Variants in MAPK1IP1L observed in about 807,000 individuals in gnomAD.
The protein encoded by MAPK1IP1L is mitogen-activated protein kinase 1 interacting protein 1 like.
A neutral mutation model predicts 18.1 loss-of-function variants in MAPK1IP1L; 10 were observed. That is an observed-to-expected ratio of 0.55 (90% CI 0.34 to 0.94). The LOEUF is 0.94. MAPK1IP1L is among the 40% of genes least tolerant of loss of function. MAPK1IP1L has a pLI of 0.02. For synonymous variants in MAPK1IP1L, 115 were observed against 117.3 expected (o/e 0.98, Z 0.13); for missense variants, 260 against 318.2 (o/e 0.82, Z 1.39).
rs1472254590 is a variant in MAPK1IP1L, at chr14:55,070,053, G to C, written c.*5426G>C. 2 of 152,152 alleles carry C rather than the reference G, an allele frequency of 1.3e-5. No individual in the cohort carries two copies. Among genetic ancestry groups the C allele is most frequent in the Non-Finnish European group, 2.9e-5 (2 of 68,026 alleles). 9.4% of individuals were successfully genotyped at this position (152,152 alleles called of 1,614,324 possible). On this transcript the variant is annotated 3_prime_UTR_variant, in exon 4 of 4. Coordinates refer to ENST00000395468, the MANE Select transcript of MAPK1IP1L (RefSeq NM_144578.4). ...AGTGCTACTTTTGGAAGGAATTTCT[G>C]CTTTTTGCCTTATGATTGGACAAAA...
Position 55,063,081 on chromosome 14 carries a change from AT to A in MAPK1IP1L, c.483del (p.Pro162LeufsTer120). 1 of 1,613,402 alleles carries A rather than the reference AT, an allele frequency of 6.2e-7. No homozygotes were observed. Among genetic ancestry groups the A allele is most frequent in the Non-Finnish European group, 8.5e-7 (1 of 1,180,004 alleles). On this transcript the variant is annotated frameshift_variant, in exon 3 of 4. Transcript: ENST00000395468. LOFTEE classifies it high-confidence loss of function. ...GPWAPGMGGQ[Y>X]PTPNMPYPSP... ...TGGGCGCCAGGAATGGGAGGGCAGT[AT>A]CCTACCCCTAATATGCCATATCCAT...
chr14:55,055,931 A>G (rs1335339591), intron 1 of MAPK1IP1L, among the ~76,000 whole-genome samples: 3 of 152,220 alleles, frequency 2.0e-5, no homozygotes, highest in Admixed American at 2.0e-4. Flanking sequence ...CTCCATCTCA[A>G]AAACAAAACA....
At position 55,066,611 on chromosome 14, in the gene MAPK1IP1L, A is replaced by G. The variant is rs911585054; in HGVS notation, c.*1984A>G. 2 of 152,224 alleles carry G rather than the reference A, an allele frequency of 1.3e-5. No individual in the cohort carries two copies. The highest frequency in any genetic ancestry group is 4.8e-5 in the African/African-American group (2 of 41,466). The allele number at this position is 152,224 out of a possible 1,614,324, so 9.4% of individuals were successfully genotyped here. A position where few individuals can be genotyped will look rare whatever the true frequency, so the allele number is the denominator to read the frequency against. Reference sequence around the variant, plus strand: ...CTTACAGTTATTTTGGCTGTCCTACATTGGGATAAGCTGACAAATTAGCAG... The same window carrying G: ...CTTACAGTTATTTTGGCTGTCCTACGTTGGGATAAGCTGACAAATTAGCAG... On this transcript the variant is annotated 3_prime_UTR_variant, in exon 4 of 4. Transcript: ENST00000395468.
In MAPK1IP1L at chr14:55,068,563, A is replaced by G. The variant is rs1239403725; in HGVS notation, c.*3936A>G. ...AATAAAACTTAAGCACAGACATTCA[A>G]GTTTTTGAAAAGCATAAGCCTAAAT... On this transcript the variant is annotated 3_prime_UTR_variant, in exon 4 of 4. Transcript: ENST00000395468. 1 of 152,340 alleles carries G rather than the reference A, an allele frequency of 6.6e-6. No homozygotes were observed. The highest frequency in any genetic ancestry group is 1.5e-5 in the Non-Finnish European group (1 of 68,032). 9.4% of individuals were successfully genotyped at this position (152,340 alleles called of 1,614,324 possible). A position where few individuals can be genotyped will look rare whatever the true frequency, so the allele number is the denominator to read the frequency against.
At chr14:55,057,266 A>AT (rs1360722240) in intron 1 of MAPK1IP1L, among the ~76,000 whole-genome samples, 2 of 152,184 alleles carry the variant, frequency 1.3e-5, no homozygotes, top group African/African-American at 4.8e-5. Flanking sequence ...AAGGAAAGTT[A>AT]TTTTTTGCAA....
At chr14:55,057,533 C>T (rs1237479920) in intron 1 of MAPK1IP1L, among the ~76,000 whole-genome samples, 4 of 151,968 alleles carry the variant, frequency 2.6e-5, no homozygotes, top group Non-Finnish European at 4.4e-5. Flanking sequence ...CCAAGGTGGG[C>T]GGATCACAAG....
At chr14:55,064,528 G>C in intron 3 of MAPK1IP1L, 88 bp from the exon 4 acceptor site, 1 of 1,107,536 alleles carries the variant, frequency 9.0e-7, no homozygotes, top group Non-Finnish European at 1.4e-6. Context: ...GATTTATTAA[G>C]CAATAAATTT....
rs759277405 is a variant in MAPK1IP1L, at chr14:55,063,184, A to G, written c.585A>G (p.Pro195=). The G allele has an allele frequency of 1.4e-5, 22 of 1,613,898 alleles. No individual in the cohort carries two copies. Among genetic ancestry groups the G allele is most frequent in the Middle Eastern group, 3.3e-4 (2 of 6,048 alleles). ...CACCTGTTCCATGGGGCACCGTTCC[A>G]CCAGGAGCCTGGGGACCACCAGCAC... ...AAPPVPWGTV[P]PGAWGPPAPY... The change falls in exon 3 of 4, where the codon CCA becomes CCG. Residue 195 remains proline, a synonymous_variant. Transcript: ENST00000395468.
At chr14:55,059,465 C>G (rs1440705730) in intron 1 of MAPK1IP1L, among the ~76,000 whole-genome samples, 1 of 152,036 alleles carries the variant, frequency 6.6e-6, no homozygotes, top group East Asian at 1.9e-4. Flanking sequence ...AACTCCATCT[C>G]TACAAAAAAA....
intron 1 of MAPK1IP1L, among the ~76,000 whole-genome samples, chr14:55,055,609 C>T (rs74336460): frequency 0.042 from 6,421 of 152,222 alleles, 144 homozygotes; most frequent in Middle Eastern, 0.075. Context: ...TTTCATTTTG[C>T]TACTCAGAAC....
Position 55,067,246 on chromosome 14 carries a change from G to T in MAPK1IP1L, c.*2619G>T, listed in dbSNP as rs1474077073. 1 of 148,288 alleles carries T rather than the reference G, an allele frequency of 6.7e-6. No homozygotes were observed. The highest frequency in any genetic ancestry group is 6.7e-5 in the Admixed American group (1 of 14,956). The allele number at this position is 148,288 out of a possible 1,614,324, so 9.2% of individuals were successfully genotyped here. On this transcript the variant is annotated 3_prime_UTR_variant, in exon 4 of 4. Transcript: ENST00000395468. ...TTAATGTAAGAATGGAGATAAAAGG[G>T]ATAATATAATTTGCTTTTATATTGT...
At chr14:55,051,865 G>T in intron 1 of MAPK1IP1L, 62 bp downstream of exon 1, 1 of 427,522 alleles carries the variant, frequency 2.3e-6, no homozygotes, top group Non-Finnish European at 4.7e-6. Context: ...GGGTTGCGGA[G>T]CCCGCGGGCG....
In MAPK1IP1L at chr14:55,061,667, TTTC is replaced by T. The variant is rs1169723312; in HGVS notation, c.-4-10_-4-8del. ...AATTTTTCTTTCTTCCTTCATTTCTTTTCTTTTTTTAGGAAAATGTCTGATGAA... is the reference window on the plus strand; with the variant it reads ...AATTTTTCTTTCTTCCTTCATTTCTTTTTTTTTAGGAAAATGTCTGATGAA... On this transcript the variant is annotated splice_polypyrimidine_tract_variant and intron_variant, in intron 1 of 3. Coordinates refer to ENST00000395468, the MANE Select transcript of MAPK1IP1L (RefSeq NM_144578.4). 2 of 1,548,714 alleles carry T rather than the reference TTTC, an allele frequency of 1.3e-6. No individual in the cohort carries two copies. The highest frequency in any genetic ancestry group is 1.8e-6 in the Non-Finnish European group (2 of 1,138,912).
At chr14:55,063,372 C>T (rs143966958) in intron 3 of MAPK1IP1L, 47 bp downstream of exon 3, 1 of 1,447,910 alleles carries the variant, frequency 6.9e-7, no homozygotes, top group Admixed American at 2.1e-5. Flanking sequence ...GTACATAGCA[C>T]AACTGACATT....
At chr14:55,057,108 T>TA (rs2042778182) in intron 1 of MAPK1IP1L, among the ~76,000 whole-genome samples, 1 of 152,220 alleles carries the variant, frequency 6.6e-6, no homozygotes, top group Non-Finnish European at 1.5e-5. Context: ...TGTAATTTTT[T>TA]AAAATCTCAA....
chr14:55,067,294 T>G lies in MAPK1IP1L; in HGVS notation c.*2667T>G, dbSNP rs2042870849. 1 of 151,982 alleles carries G rather than the reference T, an allele frequency of 6.6e-6. No individual in the cohort carries two copies. The highest frequency in any genetic ancestry group is 6.6e-5 in the Admixed American group (1 of 15,256). The allele number at this position is 151,982 out of a possible 1,614,324, so 9.4% of individuals were successfully genotyped here. On this transcript the variant is annotated 3_prime_UTR_variant, in exon 4 of 4. Transcript: ENST00000395468. ...TGTTATTTTTGTAAAGCATCTTTTC[T>G]TCAATTCTTGTTGGCATTCTGGGCC...
rs369879596 is a variant in MAPK1IP1L at position 55,067,433 on chromosome 14, A to AGAG, written c.*2807_*2809dup. On this transcript the variant is annotated 3_prime_UTR_variant, in exon 4 of 4. Coordinates refer to ENST00000395468, the MANE Select transcript of MAPK1IP1L (RefSeq NM_144578.4). ...CCTTTTTTCTTTTTTTTTTGGAGACAGAGTCTTGCCCTGTCACCCAGGCTG... is the reference window on the plus strand; with the variant it reads ...CCTTTTTTCTTTTTTTTTTGGAGACAGAGGAGTCTTGCCCTGTCACCCAGGCTG... 2.0e-5 allele frequency: 3 copies of AGAG among 151,192 alleles called. No individual in the cohort carries two copies. The highest frequency in any genetic ancestry group is 7.3e-5 in the African/African-American group (3 of 41,072). The allele number at this position is 151,192 out of a possible 1,614,324, so 9.4% of individuals were successfully genotyped here.
In MAPK1IP1L at chr14:55,068,224, G is replaced by T. The variant is rs2042880030; in HGVS notation, c.*3597G>T. ...TGTCTTCAGTAGAGAATAGTAATAG[G>T]GCAGAGAAAAGTATATATTTTGCCT... On this transcript the variant is annotated 3_prime_UTR_variant, in exon 4 of 4. Coordinates refer to ENST00000395468, the MANE Select transcript of MAPK1IP1L (RefSeq NM_144578.4). 1 of 152,522 alleles carries T rather than the reference G, an allele frequency of 6.6e-6. No homozygotes were observed. The allele number at this position is 152,522 out of a possible 1,614,324, so 9.4% of individuals were successfully genotyped here.
chr14:55,056,676 A>AT (rs1308928505), intron 1 of MAPK1IP1L, among the ~76,000 whole-genome samples: 3 of 152,030 alleles, frequency 2.0e-5, no homozygotes, highest in East Asian at 1.9e-4. Flanking sequence ...TGCCTGGCTA[A>AT]TTTTTTGTAT....
Sources: allele counts gnomAD v4.1 joint callset (sites outside exome capture counted in the v4.1 genomes callset), GRCh38; gene constraint gnomAD v4.1.1; transcripts MANE v1.5; gene names NCBI Gene and HGNC (gene_info 2026-07-23, HGNC 2026-07-21).